The following CPD variants were observed in gnomAD, a reference collection of about 807,000 sequenced individuals.
The protein encoded by CPD is metallocarboxypeptidase D.
In CPD, 69 loss-of-function variants were observed where a neutral mutation model predicts 138.3. The ratio of observed to expected loss-of-function variants is 0.50; its 90% CI spans 0.41 to 0.61. CPD has a LOEUF of 0.61. Among genes scored for constraint, CPD ranks in the 20% least tolerant of loss-of-function variants. The pLI, the probability that CPD is intolerant of heterozygous loss-of-function variation, is 0.00. For synonymous variants in CPD, 651 were observed against 642.1 expected, an observed-to-expected ratio of 1.01 and a Z score of -0.21; for missense variants, 1,432 against 1,733.3, an observed-to-expected ratio of 0.83 and a Z score of 3.09.
chr17:30,436,203 C>T (rs1348162604), intron 8 of CPD, among the ~76,000 whole-genome samples: 1 of 152,066 alleles, frequency 6.6e-6, no homozygotes, highest in Non-Finnish European at 1.5e-5. Context: ...GTCCCAGCTA[C>T]TTGGGAGGCT....
At position 30,438,996 on chromosome 17, in the gene CPD, G is replaced by T; in HGVS notation, c.2149G>T (p.Gly717Cys). The T allele has an allele frequency of 6.3e-7, 1 of 1,579,154 alleles. No individual in the cohort carries two copies. The highest frequency in any genetic ancestry group is 1.2e-5 in the South Asian group (1 of 84,252). Reference sequence around the variant, plus strand: ...CCAGGAAAATTCCCAGATGTTTCAAGGTAGACCTTGCAAGAATATGTATCC... The same window carrying T: ...CCAGGAAAATTCCCAGATGTTTCAATGTAGACCTTGCAAGAATATGTATCC... The part of the protein sequence containing the change: ...YSKENSQMFQ[G>C]RPCKNMYPNE... Residue 717 changes from glycine (G) to cysteine (C), a missense_variant, in exon 9 of 21, where the codon GGT (glycine) becomes TGT (cysteine). By Grantham distance (159) the Gly-to-Cys change is radical. This residue lies in a region of CPD where 297 missense variants were observed against 405.3 expected (regional missense o/e 0.73). Transcript: ENST00000225719.
At chr17:30,422,536 A>C in intron 4 of CPD, 138 bp from the exon 5 acceptor site, 1 of 584,764 alleles carries the variant, frequency 1.7e-6, no homozygotes, top group Non-Finnish European at 3.0e-6. Context: ...TCTTAAATTT[A>C]CACATCTCTC....
chr17:30,402,618 A>G (rs902097967), intron 2 of CPD, among the ~76,000 whole-genome samples: 8 of 152,240 alleles, frequency 5.3e-5, no homozygotes, highest in Non-Finnish European at 1.2e-4. Context: ...TAACATGGTT[A>G]TAATAACTGC....
At chr17:30,460,605 A>G (rs982526199) in intron 17 of CPD, among the ~76,000 whole-genome samples, 6 of 152,224 alleles carry the variant, frequency 3.9e-5, no homozygotes, top group Admixed American at 1.3e-4. Context: ...TTTCATTGCT[A>G]TGTAAGAAAA....
At chr17:30,426,943 G>T (rs938509308) in intron 6 of CPD, among the ~76,000 whole-genome samples, 7 of 152,138 alleles carry the variant, frequency 4.6e-5, no homozygotes, top group African/African-American at 1.7e-4. Flanking sequence ...CACTTTGGGA[G>T]GCTGAGGGGG....
chr17:30,440,797 GT>G (rs1317188544), intron 9 of CPD, among the ~76,000 whole-genome samples: 5 of 136,146 alleles, frequency 3.7e-5, no homozygotes, highest in Non-Finnish European at 7.9e-5. Flanking sequence ...GTACCATGCT[GT>G]TTTGGTTACT....
intron 15 of CPD, 95 bp downstream of exon 15, chr17:30,455,565 C>A: frequency 7.3e-7 from 1 of 1,371,106 alleles, no homozygotes; most frequent in Non-Finnish European, 1.0e-6. Flanking sequence ...AAATAGTGAG[C>A]ATTTGAGCAC....
At chr17:30,404,331 C>T (rs1385169968) in intron 2 of CPD, among the ~76,000 whole-genome samples, 2 of 152,098 alleles carry the variant, frequency 1.3e-5, no homozygotes, top group African/African-American at 4.8e-5. Context: ...ATTTAAGAAC[C>T]TCTGTATGCT....
intron 8 of CPD, among the ~76,000 whole-genome samples, chr17:30,435,483 T>C (rs1307186257): frequency 3.3e-5 from 5 of 152,048 alleles, no homozygotes; most frequent in Admixed American, 1.3e-4. Flanking sequence ...ACTAGATACC[T>C]TCCTCACACC....
rs767243094 is a variant in CPD at position 30,445,741 on chromosome 17, A to G, written c.2594A>G (p.Gln865Arg). Residue 865 changes from glutamine (Q) to arginine (R), a missense_variant, in exon 12 of 21, where the codon CAG becomes CGG. Around this residue, in one of 6 missense-constraint regions of CPD, gnomAD observed 124 missense variants for 117.0 expected, o/e 1.06. Transcript: ENST00000225719. ...NVTVKSEGAI[Q>R]VNFTLVRSST... ...ACTGTCAAGAGTGAAGGCGCTATTC[A>G]GGTCAACTTCACACTTGTTCGATCC... is the stretch of plus-strand genomic sequence containing the variant. The G allele has an allele frequency of 6.8e-6, 11 of 1,613,496 alleles. No individual in the cohort carries two copies. Among genetic ancestry groups the G allele is most frequent in the African/African-American group, 1.3e-5 (1 of 75,024 alleles).
At chr17:30,380,632 A>G (rs1275084202) in intron 1 of CPD, 2 of 1,516,418 alleles carry the variant, frequency 1.3e-6, no homozygotes, top group South Asian at 1.2e-5. Flanking sequence ...AATGTTATAA[A>G]TATTTATGAG....
At chr17:30,430,774 C>T (rs1020901463) in intron 7 of CPD, among the ~76,000 whole-genome samples, 1 of 152,120 alleles carries the variant, frequency 6.6e-6, no homozygotes, top group Non-Finnish European at 1.5e-5. Flanking sequence ...CCACCTCAGC[C>T]TCCCAAGTAG....
intron 7 of CPD, among the ~76,000 whole-genome samples, chr17:30,430,220 C>G (rs1912525957): frequency 6.6e-6 from 1 of 152,138 alleles, no homozygotes; most frequent in Admixed American, 6.6e-5. Context: ...CAACCACCCC[C>G]TCTATCTTGT....
rs1597736616 is a variant in CPD at position 30,455,330 on chromosome 17, C to G, written c.3206-9C>G. ...TTGATATTTTATATTTGACTTTTCT[C>G]TTTTTTAGATAATGCCTCCCAACCT... On this transcript the variant is annotated splice_polypyrimidine_tract_variant and intron_variant, in intron 14 of 20. Coordinates refer to ENST00000225719, the MANE Select transcript of CPD (RefSeq NM_001304.5). 1 of 1,589,120 alleles carries G rather than the reference C, an allele frequency of 6.3e-7. No individual in the cohort carries two copies. The highest frequency in any genetic ancestry group is 8.5e-7 in the Non-Finnish European group (1 of 1,171,018).
At chr17:30,408,843 T>C (rs1321520318) in intron 2 of CPD, among the ~76,000 whole-genome samples, 4 of 152,284 alleles carry the variant, frequency 2.6e-5, no homozygotes, top group South Asian at 4.1e-4. Context: ...TCCAACACTA[T>C]GTTGAACAGG....
rs1362327221 is a variant in CPD at position 30,442,444 on chromosome 17, G to C, written c.2367G>C (p.Met789Ile). The change falls in exon 10 of 21, where the codon ATG becomes ATC. Residue 789 changes from methionine to isoleucine, a missense_variant. By Grantham distance (10) the Met-to-Ile change is conservative (BLOSUM62 1). Transcript: ENST00000225719. ...EQNRRSLIQFMKQVHQGVRGF... is the reference protein window; with the variant it reads ...EQNRRSLIQFIKQVHQGVRGF... ...ATCGAAGATCACTAATCCAGTTTAT[G>C]AAACAGGTGACTATTCAGGAGTGAA... The C allele has an allele frequency of 1.9e-6, 3 of 1,613,026 alleles. No homozygotes were observed. The highest frequency in any genetic ancestry group is 2.5e-6 in the Non-Finnish European group (3 of 1,179,328).
rs772828608 is a variant in CPD at position 30,455,379 on chromosome 17, T to C, written c.3246T>C (p.Asn1082=). The part of the protein sequence containing the change: ...SQPETKAIIE[N]LIQKQDFSLS... ...CTGAGACCAAAGCCATCATTGAAAA[T>C]TTGATTCAAAAACAGGACTTTAGTC... The change falls in exon 15 of 21, where the codon AAT becomes AAC. Residue 1082 remains asparagine (N), a synonymous_variant. Transcript: ENST00000225719. 4 of 1,613,446 alleles carry C rather than the reference T, an allele frequency of 2.5e-6. No homozygotes were observed. Among genetic ancestry groups the C allele is most frequent in the Non-Finnish European group, 3.4e-6 (4 of 1,179,812 alleles).
At chr17:30,421,058 G>A (rs925969041) in intron 3 of CPD, 75 bp downstream of exon 3, 3 of 1,281,946 alleles carry the variant, frequency 2.3e-6, no homozygotes, top group Admixed American at 3.6e-5. Context: ...GCATGTGAAT[G>A]ATAATCTATA....
chr17:30,459,657 T>G (rs910035856), intron 17 of CPD, among the ~76,000 whole-genome samples: 1 of 152,182 alleles, frequency 6.6e-6, no homozygotes, highest in African/African-American at 2.4e-5. Context: ...CCATTTGAAT[T>G]TGAGCATTGG....
Sources: gnomAD v4.1 joint callset for allele counts (sites outside exome capture counted in the v4.1 genomes callset) on GRCh38, gnomAD v4.1.1 for gene constraint, gnomAD v4.1.1 regional missense constraint, MANE v1.5 for transcripts, NCBI Gene and HGNC (gene_info 2026-07-23, HGNC 2026-07-21) for gene names.